SHQ1: variants seen among roughly 807,000 people sequenced by gnomAD.
The protein encoded by SHQ1 is protein SHQ1 homolog.
A neutral mutation model predicts 53.8 loss-of-function variants in SHQ1; 49 were observed. That is an observed-to-expected ratio of 0.91 (90% CI 0.72 to 1.16). The LOEUF is 1.16. Ranked by LOEUF, SHQ1 falls within the 50% of genes most tolerant of loss-of-function variation. The pLI is 0.00. For missense variants in SHQ1, 738 were observed against 683.1 expected, an observed-to-expected ratio of 1.08 and a Z score of -0.90; for synonymous variants, 243 against 251.0, an observed-to-expected ratio of 0.97 and a Z score of 0.30.
At chr3:72,839,097 G>A (rs1708083830) in intron 4 of SHQ1, among the ~76,000 whole-genome samples, 1 of 152,110 alleles carries the variant, frequency 6.6e-6, no homozygotes, top group South Asian at 2.1e-4. Context: ...AGGATTTTCC[G>A]TAAACAGAAG....
intron 10 of SHQ1, among the ~76,000 whole-genome samples, chr3:72,789,479 G>T (rs1172658060): frequency 6.6e-6 from 1 of 152,150 alleles, no homozygotes; most frequent in Non-Finnish European, 1.5e-5. Flanking sequence ...ATTTCAGAGG[G>T]TCAGAACTAT....
chr3:72,757,803 A>C (rs1170955159), intron 10 of SHQ1, among the ~76,000 whole-genome samples: 3 of 152,154 alleles, frequency 2.0e-5, no homozygotes, highest in African/African-American at 7.2e-5. Flanking sequence ...GAGGGGAACA[A>C]CACACACCAG....
chr3:72,844,236 A>G (rs1322003155), intron 2 of SHQ1, 123 bp downstream of exon 2: 3 of 748,276 alleles, frequency 4.0e-6, no homozygotes, highest in Non-Finnish European at 6.7e-6. Flanking sequence ...AACAAGAAAG[A>G]GTGATAGGAA....
At chr3:72,824,256 A>C (rs1405962683) in intron 6 of SHQ1, among the ~76,000 whole-genome samples, 168 bp downstream of exon 6, 1 of 152,146 alleles carries the variant, frequency 6.6e-6, no homozygotes. Context: ...ATTTAGCGGC[A>C]TTTTCCAGTC....
intron 10 of SHQ1, among the ~76,000 whole-genome samples, chr3:72,771,172 C>G (rs1364124362): frequency 2.0e-5 from 3 of 152,222 alleles, no homozygotes; most frequent in African/African-American, 7.2e-5. Context: ...AATGCTCACT[C>G]TAATTCCTTA....
At chr3:72,799,761 G>A (rs969706756) in intron 9 of SHQ1, among the ~76,000 whole-genome samples, 18 of 152,070 alleles carry the variant, frequency 1.2e-4, no homozygotes, top group African/African-American at 4.1e-4. Context: ...CTGTATACTC[G>A]CAAACAAAAT....
At chr3:72,809,209 C>T (rs1707044795) in intron 9 of SHQ1, among the ~76,000 whole-genome samples, 1 of 152,104 alleles carries the variant, frequency 6.6e-6, no homozygotes, top group South Asian at 2.1e-4. Flanking sequence ...GGTCCTCCTC[C>T]CTGCCGCTGG....
At position 72,824,522 on chromosome 3, in the gene SHQ1, T is replaced by C; in HGVS notation, c.629A>G (p.Glu210Gly). Residue 210 changes from glutamate (E) to glycine (G), a missense_variant, in exon 6 of 11, where the codon GAA (glutamate) becomes GGA (glycine). Glu to Gly is a moderately conservative substitution (Grantham distance 98, BLOSUM62 -2). Coordinates refer to ENST00000325599, the MANE Select transcript of SHQ1 (RefSeq NM_018130.3). ...CCAAGGATTATACTTCAAAATCTGT[T>C]CAATCGCCTCATCTTCAAAAAAGTC... ...LADFFEDEAI[E>G]QILKYNPWWT... 8.1e-6 allele frequency: 13 copies of C among 1,610,608 alleles called. No homozygotes were observed. The highest frequency in any genetic ancestry group is 1.1e-5 in the Non-Finnish European group (13 of 1,178,912).
chr3:72,821,099 G>A lies in SHQ1; in HGVS notation c.727+3325C>T, dbSNP rs1003789712. Among the ~76,000 whole-genome samples the A allele has an allele frequency of 2.6e-5, 4 of 152,048 alleles. No individual in the cohort carries two copies. In the South Asian group the frequency reaches 8.3e-4, roughly 32 times the overall value. ...TGTCTATTACATTGTACATTCACTGGAACCAGATCAAGGGAACCAGAAAAA... is the reference window on the plus strand; with the variant it reads ...TGTCTATTACATTGTACATTCACTGAAACCAGATCAAGGGAACCAGAAAAA... On this transcript the variant is annotated intron_variant, in intron 6 of 10. Transcript: ENST00000325599.
rs186240429 is a variant in SHQ1, at chr3:72,822,472, C to G, written c.727+1952G>C. On this transcript the variant is annotated intron_variant, in intron 6 of 10. Coordinates refer to ENST00000325599, the MANE Select transcript of SHQ1 (RefSeq NM_018130.3). Reference sequence around the variant, plus strand: ...CTGACACAGAAAACTGGACTGAGAACAAGCTACAGTTTATCAAAGTAGAGC... The same window carrying G: ...CTGACACAGAAAACTGGACTGAGAAGAAGCTACAGTTTATCAAAGTAGAGC... Among the ~76,000 whole-genome samples, 585 of 152,256 alleles carry G rather than the reference C, an allele frequency of 3.8e-3. 2 individuals carry two copies. The highest frequency in any genetic ancestry group is 0.013 in the African/African-American group (553 of 41,554).
chr3:72,841,113 T>A lies in SHQ1; in HGVS notation c.418A>T (p.Ser140Cys). Residue 140 changes from serine (S) to cysteine (C), a missense_variant, in exon 4 of 11, where the codon AGT (serine) becomes TGT (cysteine). By Grantham distance (112) the Ser-to-Cys change is moderately radical (BLOSUM62 -1). Transcript: ENST00000325599. ...EQTPCEEVSESALNPQCHYGF... is the reference protein window; with the variant it reads ...EQTPCEEVSECALNPQCHYGF... Reference sequence around the variant, plus strand: ...TAGTGGCACTGCGGATTCAAAGCACTTTCTGATACCTCTTCACAGGGTGTC... The same window carrying A: ...TAGTGGCACTGCGGATTCAAAGCACATTCTGATACCTCTTCACAGGGTGTC... 6.2e-7 allele frequency: 1 copy of A among 1,614,136 alleles called. No homozygotes were observed. Among genetic ancestry groups the A allele is most frequent in the East Asian group, 2.2e-5 (1 of 44,870 alleles).
At chr3:72,737,625 T>C in the SHQ1 span, among the ~76,000 whole-genome samples, 1 of 152,258 alleles carries the variant, frequency 6.6e-6, no homozygotes. Flanking sequence ...TCCTCCTATA[T>C]ACTTCCAGTC....
intron 10 of SHQ1, among the ~76,000 whole-genome samples, chr3:72,779,090 G>A (rs888740730): frequency 3.9e-5 from 6 of 152,070 alleles, no homozygotes; most frequent in Non-Finnish European, 8.8e-5. Flanking sequence ...CTGGCTTCTC[G>A]CTACTCTTAG....
chr3:72,765,252 AGTTAC>A (rs1473750317), intron 10 of SHQ1, among the ~76,000 whole-genome samples: 1 of 151,936 alleles, frequency 6.6e-6, no homozygotes, highest in East Asian at 1.9e-4. Context: ...CCTTGCCTGA[AGTTAC>A]GGTCCACATG....
In SHQ1 at chr3:72,841,022, G is replaced by A. The variant is rs1465415095; in HGVS notation, c.486+23C>T. 6 of 1,591,356 alleles carry A rather than the reference G, an allele frequency of 3.8e-6. No homozygotes were observed. In the East Asian group the frequency reaches 1.3e-4, roughly 36 times the overall value. Reference sequence around the variant, plus strand: ...CAAATGGAAAAACCCTATAGATCAAGATCTTTCAGAAAGACAACATACCTG... The same window carrying A: ...CAAATGGAAAAACCCTATAGATCAAAATCTTTCAGAAAGACAACATACCTG... On this transcript the variant is annotated intron_variant, in intron 4 of 10. Coordinates refer to ENST00000325599, the MANE Select transcript of SHQ1 (RefSeq NM_018130.3).
At chr3:72,837,572 A>G (rs912474945) in intron 4 of SHQ1, among the ~76,000 whole-genome samples, 1 of 152,244 alleles carries the variant, frequency 6.6e-6, no homozygotes, top group Non-Finnish European at 1.5e-5. Flanking sequence ...TGAGTAGTCA[A>G]TGAAGCTGTA....
rs1223009966 is a variant in SHQ1 at position 72,749,624 on chromosome 3, A to G, written c.*660T>C. 9.1e-6 allele frequency: 2 copies of G among 219,194 alleles called. No homozygotes were observed. Among genetic ancestry groups the G allele is most frequent in the Non-Finnish European group, 1.8e-5 (2 of 109,264 alleles). The allele number at this position is 219,194 out of a possible 1,614,324, so 13.6% of individuals were successfully genotyped here. A position where few individuals can be genotyped will look rare whatever the true frequency, so the allele number is the denominator to read the frequency against. On this transcript the variant is annotated 3_prime_UTR_variant, in exon 11 of 11. Transcript: ENST00000325599. ...GTTTTACGCAGGGTATACATACGCC[A>G]ACACATTGTACACTTTTGATACGTG...
intron 9 of SHQ1, among the ~76,000 whole-genome samples, chr3:72,796,347 AG>A (rs1280835973): frequency 2.6e-5 from 4 of 152,136 alleles, no homozygotes; most frequent in Non-Finnish European, 2.9e-5. Context: ...TAATGTAAAA[AG>A]GTATGGAGTT....
chr3:72,848,270 G>C lies in SHQ1; in HGVS notation c.71C>G (p.Ala24Gly), dbSNP rs375722695. 2.6e-5 allele frequency: 42 copies of C among 1,614,116 alleles called. No individual in the cohort carries two copies. Among genetic ancestry groups the C allele is most frequent in the Non-Finnish European group, 1.0e-5 (12 of 1,180,056 alleles). ...GTAGACGTCGAACTCGGAGACCCGG[G>C]CGTAGGGCACGCGGATGGCGATAGT... ...FLTIAIRVPYARVSEFDVYFE... is the reference protein window; with the variant it reads ...FLTIAIRVPYGRVSEFDVYFE... The change falls in exon 1 of 11, where the codon GCC (alanine) becomes GGC (glycine). Residue 24 changes from alanine (A) to glycine (G), a missense_variant. Ala to Gly is a moderately conservative substitution (Grantham distance 60). Coordinates refer to ENST00000325599, the MANE Select transcript of SHQ1 (RefSeq NM_018130.3).
Sources: allele counts gnomAD v4.1 joint callset (sites outside exome capture counted in the v4.1 genomes callset), GRCh38; gene constraint gnomAD v4.1.1; transcripts MANE v1.5; gene names NCBI Gene and HGNC (gene_info 2026-07-23, HGNC 2026-07-21).